ATRNL1: variants seen among roughly 807,000 people sequenced by gnomAD.
ATRNL1 encodes the protein attractin-like protein 1.
In ATRNL1, 95 loss-of-function variants were observed where a neutral mutation model predicts 182.7. That is an observed-to-expected ratio of 0.52 (90% CI 0.44 to 0.62). The LOEUF (loss-of-function observed/expected upper bound fraction) is 0.62, where lower values mean the gene tolerates loss of function less well. ATRNL1 is among the 20% of genes least tolerant of loss of function. The probability of loss-of-function intolerance (pLI) is 0.00; values close to 1 mark genes in which losing one functional copy is unlikely to be tolerated. For synonymous variants in ATRNL1, 576 were observed against 568.3 expected (o/e 1.01, Z -0.19); for missense variants, 1,471 against 1,679.5 (o/e 0.88, Z 2.17).
At chr10:115,875,055 G>A (rs1951671448) in intron 28 of ATRNL1, among the ~76,000 whole-genome samples, 1 of 152,188 alleles carries the variant, frequency 6.6e-6, no homozygotes, top group Admixed American at 6.5e-5. Context: ...CAGAAAAAGA[G>A]AGTCTCTGAT....
chr10:115,937,216 T>C (rs782734640), intron 28 of ATRNL1, among the ~76,000 whole-genome samples: 2 of 152,198 alleles, frequency 1.3e-5, no homozygotes, highest in African/African-American at 2.4e-5. Flanking sequence ...TTTCTATAAC[T>C]TGAGCAGTGT....
chr10:115,915,002 C>A (rs1565483421), intron 28 of ATRNL1, among the ~76,000 whole-genome samples: 1 of 152,136 alleles, frequency 6.6e-6, no homozygotes, highest in Admixed American at 6.5e-5. Flanking sequence ...CTGTTTTTCT[C>A]TTTGGACAAA....
intron 27 of ATRNL1, among the ~76,000 whole-genome samples, chr10:115,823,722 G>C (rs1267179643): frequency 6.6e-6 from 1 of 152,124 alleles, no homozygotes; most frequent in Admixed American, 6.5e-5. Flanking sequence ...ACTTACAAAG[G>C]ACGTGAAGGA....
chr10:115,594,494 C>T (rs1247767066), intron 26 of ATRNL1, among the ~76,000 whole-genome samples: 1 of 151,934 alleles, frequency 6.6e-6, no homozygotes, highest in Non-Finnish European at 1.5e-5. Flanking sequence ...TAATTCTTCA[C>T]TAATACTTGT....
intron 10 of ATRNL1, among the ~76,000 whole-genome samples, chr10:115,249,357 A>G (rs1363736895): frequency 1.3e-5 from 2 of 152,120 alleles, no homozygotes; most frequent in East Asian, 1.9e-4. Context: ...ACACACGTTT[A>G]TATATATGTA....
chr10:115,795,841 G>T (rs115159007), intron 27 of ATRNL1, among the ~76,000 whole-genome samples: 1 of 151,988 alleles, frequency 6.6e-6, no homozygotes, highest in Non-Finnish European at 1.5e-5. Context: ...TTCAACACTC[G>T]GGATCACAAT....
intron 13 of ATRNL1, 70 bp from the exon 14 acceptor site, chr10:115,281,285 A>G: frequency 7.2e-7 from 1 of 1,381,368 alleles, no homozygotes; most frequent in Non-Finnish European, 9.8e-7. Flanking sequence ...AGAGGATTTA[A>G]ATATACACTG....
chr10:115,629,604 T>C (rs1858348423), intron 26 of ATRNL1, among the ~76,000 whole-genome samples: 1 of 152,152 alleles, frequency 6.6e-6, no homozygotes, highest in Admixed American at 6.6e-5. Flanking sequence ...AAAGTGGTAA[T>C]TGTTGCATGA....
chr10:115,388,167 T>G (rs1423500750), intron 19 of ATRNL1, among the ~76,000 whole-genome samples: 5 of 152,166 alleles, frequency 3.3e-5, no homozygotes, highest in African/African-American at 1.2e-4. Flanking sequence ...CTTTAGGCCT[T>G]TTACAGTTTT....
Position 115,597,059 on chromosome 10 carries a change from A to G in ATRNL1, c.3795+47523A>G, listed in dbSNP as rs527327728. 3.9e-5 allele frequency among the ~76,000 whole-genome samples: 6 copies of G among 152,324 alleles called. No individual in the cohort carries two copies. The South Asian group carries it at 1.2e-3, about 32-fold the overall frequency. On this transcript the variant is annotated intron_variant, in intron 26 of 28. Transcript: ENST00000355044. ...CAGCTCACATCTAACAAAATATTTCAGTCCTAAATGAGTTTCTTCTAGTTT... is the reference window on the plus strand; with the variant it reads ...CAGCTCACATCTAACAAAATATTTCGGTCCTAAATGAGTTTCTTCTAGTTT...
chr10:115,880,890 A>C (rs1157144477), intron 28 of ATRNL1, among the ~76,000 whole-genome samples: 3 of 152,232 alleles, frequency 2.0e-5, no homozygotes, highest in Non-Finnish European at 4.4e-5. Flanking sequence ...GGTAATCATA[A>C]GAGTTGTTTT....
At chr10:115,743,034 G>GAAAAGTCCCTTATCT (rs1948183252) in intron 27 of ATRNL1, among the ~76,000 whole-genome samples, 1 of 151,952 alleles carries the variant, frequency 6.6e-6, no homozygotes, top group Non-Finnish European at 1.5e-5. Flanking sequence ...AGTAAAAGGG[G>GAAAAGTCCCTTATCT]AAAAGTCCCT....
intron 19 of ATRNL1, among the ~76,000 whole-genome samples, chr10:115,391,209 G>A (rs190123088): frequency 8.5e-5 from 13 of 152,312 alleles, no homozygotes; most frequent in Non-Finnish European, 1.9e-4. Flanking sequence ...TTGAACAGAA[G>A]TGGTAAAGGT....
chr10:115,286,276 G>A lies in ATRNL1; in HGVS notation c.2294G>A (p.Ser765Asn). The change falls in exon 15 of 29, where the codon AGT becomes AAT. Residue 765 changes from serine to asparagine, a missense_variant. By Grantham distance (46) the Ser-to-Asn change is conservative (BLOSUM62 1). Around this residue, in one of 3 missense-constraint regions of ATRNL1, gnomAD observed 1,031 missense variants for 1,156.0 expected, o/e 0.89. Transcript: ENST00000355044. ...IGDACLRVNS[S>N]RENYDNAKLY... ...GATGCTTGTCTTAGAGTCAATTCCA[G>A]TAGAGAAAACTATGACAATGCAAAA... The A allele has an allele frequency of 6.3e-7, 1 of 1,599,790 alleles. No homozygotes were observed. Among genetic ancestry groups the A allele is most frequent in the Admixed American group, 1.7e-5 (1 of 59,760 alleles).
At chr10:115,582,086 A>G (rs1208107362) in intron 26 of ATRNL1, among the ~76,000 whole-genome samples, 16 of 151,830 alleles carry the variant, frequency 1.1e-4, no homozygotes, top group Non-Finnish European at 1.9e-4. Context: ...ATCATTTTTT[A>G]TGGCTGCATA....
chr10:115,127,970 TTAAG>T (rs1403256316), intron 4 of ATRNL1, among the ~76,000 whole-genome samples: 11 of 152,186 alleles, frequency 7.2e-5, no homozygotes, highest in East Asian at 1.9e-4. Flanking sequence ...TGGCAAGTGA[TTAAG>T]TAAACAAGTA....
chr10:115,736,417 A>C (rs1947952787), intron 27 of ATRNL1, among the ~76,000 whole-genome samples: 3 of 151,970 alleles, frequency 2.0e-5, no homozygotes, highest in Admixed American at 2.0e-4. Context: ...TAAATCTGAC[A>C]GTTTTTGAAA....
At chr10:115,363,150 G>C (rs1417691842) in intron 19 of ATRNL1, among the ~76,000 whole-genome samples, 1 of 147,238 alleles carries the variant, frequency 6.8e-6, no homozygotes, top group Non-Finnish European at 1.5e-5. Context: ...GTGTAAAAGT[G>C]TTCCTATTTC....
intron 28 of ATRNL1, among the ~76,000 whole-genome samples, chr10:115,856,112 T>C (rs1555101890): frequency 6.6e-6 from 1 of 152,002 alleles, no homozygotes; most frequent in African/African-American, 2.4e-5. Flanking sequence ...AAAGCATCAA[T>C]TGTTGGTGTA....
Sources: allele counts gnomAD v4.1 joint callset (sites outside exome capture counted in the v4.1 genomes callset), GRCh38; gene constraint gnomAD v4.1.1; regional missense constraint gnomAD v4.1.1; transcripts MANE v1.5; gene names NCBI Gene and HGNC (gene_info 2026-07-23, HGNC 2026-07-21).